The following PARP10 variants were observed in gnomAD, a reference collection of about 807,000 sequenced individuals.
The protein encoded by PARP10 is poly(ADP-ribose) polymerase family member 10.
Under a neutral mutation model 82.4 loss-of-function variants are expected in PARP10, and 56 were observed. The ratio of observed to expected loss-of-function variants is 0.68; its 90% confidence interval spans 0.55 to 0.85. The LOEUF is 0.85. PARP10 is among the 40% of genes least tolerant of loss of function. PARP10 has a pLI of 0.00. For synonymous variants in PARP10, 576 were observed against 601.1 expected (o/e 0.96, Z 0.61); for missense variants, 1,227 against 1,379.4 (o/e 0.89, Z 1.75).
Position 143,984,105 on chromosome 8 carries a change from C to T in PARP10, c.1681-1G>A, listed in dbSNP as rs1173753936. 1 of 1,559,448 alleles carries T rather than the reference C, an allele frequency of 6.4e-7. No individual in the cohort carries two copies. The highest frequency in any genetic ancestry group is 1.4e-5 in the African/African-American group (1 of 73,556). ...CTGGGAGGGCCTCGGTAGGGTCCACCTGTAGGGAGAGGATGTCAGGACCAC... is the reference window on the plus strand; with the variant it reads ...CTGGGAGGGCCTCGGTAGGGTCCACTTGTAGGGAGAGGATGTCAGGACCAC... On this transcript the variant is annotated splice_acceptor_variant, in intron 6 of 10. Coordinates refer to ENST00000313028, the MANE Select transcript of PARP10 (RefSeq NM_032789.5). LOFTEE classifies it high-confidence loss of function.
upstream of PARP10, chr8:143,992,947 C>G: frequency 4.3e-6 from 4 of 937,168 alleles, no homozygotes; most frequent in South Asian, 1.6e-5. Flanking sequence ...TCCCCAGGCA[C>G]AGCCTAGGGA....
chr8:144,004,525 T>G (rs1230952791), intron 1 of PARP10, among the ~76,000 whole-genome samples: 2 of 152,184 alleles, frequency 1.3e-5, no homozygotes, highest in Non-Finnish European at 2.9e-5. Flanking sequence ...TACCTCACAC[T>G]GCCAACTCCA....
At chr8:143,993,919 C>T (rs1194564130), upstream of PARP10, among the ~76,000 whole-genome samples, 1 of 152,236 alleles carries the variant, frequency 6.6e-6, no homozygotes, top group Admixed American at 6.5e-5. Flanking sequence ...ACTGAGGGCT[C>T]AGCCATTTGG....
At chr8:143,979,884 C>T (rs905713443) in intron 9 of PARP10, among the ~76,000 whole-genome samples, 6 of 151,778 alleles carry the variant, frequency 4.0e-5, no homozygotes, top group South Asian at 2.1e-4. Context: ...CGGTGGCGGG[C>T]GCCTGTAGTC....
At chr8:143,999,280 C>A (rs564981027) in intron 1 of PARP10, among the ~76,000 whole-genome samples, 1 of 152,180 alleles carries the variant, frequency 6.6e-6, no homozygotes, top group East Asian at 1.9e-4. Context: ...CGGCTCACTG[C>A]AACCTCCACT....
At chr8:143,982,527 G>A (rs370613166) in intron 9 of PARP10, among the ~76,000 whole-genome samples, 3 of 152,198 alleles carry the variant, frequency 2.0e-5, no homozygotes, top group Admixed American at 6.5e-5. Context: ...CAGCGAGCCC[G>A]GGCCTTTCTG....
Position 143,983,806 on chromosome 8 carries a change from C to A in PARP10, c.1783G>T (p.Val595Phe). 1 of 1,584,354 alleles carries A rather than the reference C, an allele frequency of 6.3e-7. No individual in the cohort carries two copies. The highest frequency in any genetic ancestry group is 2.2e-5 in the East Asian group (1 of 44,534). ...GDQEDVSLEE[V>F]RELLATLEGL... ...TCCAGGGTGGCCAGCAGTTCTCGGA[C>A]CTCCTCTGGGGGCAGGGAGAGGCCA... The change falls in exon 8 of 11, where the codon GTC (valine) becomes TTC (phenylalanine). Residue 595 changes from valine to phenylalanine, a missense_variant. Coordinates refer to ENST00000313028, the MANE Select transcript of PARP10 (RefSeq NM_032789.5).
upstream of PARP10, among the ~76,000 whole-genome samples, chr8:143,996,033 C>T (rs1271456181): frequency 2.0e-5 from 3 of 152,138 alleles, no homozygotes; most frequent in South Asian, 2.1e-4. Flanking sequence ...AGCAGAGTCC[C>T]GCTTCCCTAA....
upstream of PARP10, chr8:143,991,238 G>C: frequency 6.3e-7 from 1 of 1,578,826 alleles, no homozygotes; most frequent in East Asian, 2.4e-5. Context: ...CCCATGAAAA[G>C]AGTTTTTTGG....
At chr8:144,012,481 T>G (rs1554752587) in intron 1 of PARP10, 4 of 1,542,534 alleles carry the variant, frequency 2.6e-6, no homozygotes, top group Non-Finnish European at 3.5e-6. Context: ...TGCAGTGCCC[T>G]CCCGTGGGCC....
rs1564248240 is a variant in PARP10 at position 143,981,307 on chromosome 8, T to TGAGTGGTGAA, written c.2556+1624_2556+1625insTTCACCACTC. Reference sequence around the variant, plus strand: ...ATGGTGGCCACGGTGGTGGTGGTAGTGGTGGTGGTGATGGTGGTGACGACA... The same window carrying TGAGTGGTGAA: ...ATGGTGGCCACGGTGGTGGTGGTAGTGAGTGGTGAAGGTGGTGGTGATGGTGGTGACGACA... On this transcript the variant is annotated intron_variant, in intron 9 of 10. Transcript: ENST00000313028. Among the ~76,000 whole-genome samples the TGAGTGGTGAA allele has an allele frequency of 5.6e-4, 83 of 148,720 alleles. 4 individuals are homozygous for TGAGTGGTGAA. Among genetic ancestry groups the TGAGTGGTGAA allele is most frequent in the East Asian group, 2.7e-3 (13 of 4,742 alleles).
upstream of PARP10, chr8:143,992,380 G>GT: frequency 6.2e-7 from 1 of 1,606,682 alleles, no homozygotes; most frequent in South Asian, 1.1e-5. Context: ...GCAGGTGAGG[G>GT]GCCTCCCGTG....
intron 1 of PARP10, among the ~76,000 whole-genome samples, chr8:144,004,965 G>A (rs1834224760): frequency 6.6e-6 from 1 of 152,096 alleles, no homozygotes; most frequent in Non-Finnish European, 1.5e-5. Context: ...GATCACTTGA[G>A]GTCAGGAGTT....
upstream of PARP10, chr8:143,990,307 C>T (rs1554750251): frequency 1.3e-5 from 2 of 150,276 alleles, no homozygotes; most frequent in Admixed American, 6.6e-5. This position sits in a 1 kb window ranked among gnomAD's most constrained non-coding sequence, Gnocchi z 5.6. Context: ...GCGTGGCCGC[C>T]TCGGGTCAGT....
chr8:144,010,589 C>A (rs1834269734), intron 1 of PARP10, among the ~76,000 whole-genome samples: 1 of 152,146 alleles, frequency 6.6e-6, no homozygotes, highest in South Asian at 2.1e-4. Flanking sequence ...CTCTTAAGTT[C>A]TTCTGCCAGG....
rs1420289915 is a variant in PARP10, at chr8:143,986,083, C to T, written c.153G>A (p.Gly51=). 1.2e-6 allele frequency: 2 copies of T among 1,614,084 alleles called. No homozygotes were observed. The highest frequency in any genetic ancestry group is 1.7e-6 in the Non-Finnish European group (2 of 1,180,000). ...PVLSWQRLGC[G]GVLTFREPAD... ...CAGGCTCTCTGAAGGTGAGGACGCC[C>T]CCACAGCCCAGTCTCTGCCAGCTCA... The change falls in exon 2 of 11, where the codon GGG becomes GGA. Residue 51 remains glycine (G), a synonymous_variant. Transcript: ENST00000313028.
chr8:143,990,255 G>GCCGCCCCCGCCCCCGCCC (rs1298538048), upstream of PARP10: 2 of 149,056 alleles, frequency 1.3e-5, no homozygotes, highest in Non-Finnish European at 3.0e-5. The surrounding 1 kb of genome is among the most constrained non-coding windows in gnomAD (Gnocchi z 5.6). Context: ...CGCGCGGCCT[G>GCCGCCCCCGCCCCCGCCC]CCGCCCCCGC....
At position 143,982,962 on chromosome 8, in the gene PARP10, G is replaced by A. The variant is rs199679941; in HGVS notation, c.2526C>T (p.Asp842=). 3.4e-5 allele frequency: 55 copies of A among 1,613,772 alleles called. No homozygotes were observed. The highest frequency in any genetic ancestry group is 1.6e-4 in the Middle Eastern group (1 of 6,084). Residue 842 remains aspartate (D), a synonymous_variant, in exon 9 of 11, where the codon GAC becomes GAT. Coordinates refer to ENST00000313028, the MANE Select transcript of PARP10 (RefSeq NM_032789.5). ...CGACGCGGATGCTGCTGCGGGCAGCGTCCAGGGTGTCGTAGAAGGCCCGCA... is the reference window on the plus strand; with the variant it reads ...CGACGCGGATGCTGCTGCGGGCAGCATCCAGGGTGTCGTAGAAGGCCCGCA... The part of the protein sequence containing the change: ...EVVRAFYDTL[D]AARSSIRVVR...
chr8:144,009,625 G>C (rs1363438496), intron 1 of PARP10, among the ~76,000 whole-genome samples: 1 of 152,120 alleles, frequency 6.6e-6, no homozygotes, highest in Non-Finnish European at 1.5e-5. Context: ...ACGACCTGGA[G>C]CAGTACCCCC....
Sources: allele counts gnomAD v4.1 joint callset (sites outside exome capture counted in the v4.1 genomes callset), GRCh38; gene constraint gnomAD v4.1.1; non-coding constraint Gnocchi (gnomAD v3.1); transcripts MANE v1.5; gene names NCBI Gene and HGNC (gene_info 2026-07-23, HGNC 2026-07-21).